The following KHDRBS3 variants were observed in gnomAD, a reference collection of about 807,000 sequenced individuals.
The protein encoded by KHDRBS3 is KH RNA binding domain containing, signal transduction associated 3, also known as KH domain-containing, RNA-binding, signal transduction-associated protein 3.
In KHDRBS3, 23 loss-of-function variants were observed where a neutral mutation model predicts 45.6. That is an observed-to-expected ratio of 0.50 (90% CI 0.36 to 0.72). KHDRBS3 has a LOEUF of 0.72. Among genes scored for constraint, KHDRBS3 ranks in the 30% least tolerant of loss-of-function variants. The pLI is 0.00. For missense variants in KHDRBS3, 352 were observed against 424.8 expected (o/e 0.83, Z 1.51); for synonymous variants, 162 against 156.5 (o/e 1.04, Z -0.26).
At chr8:135,589,221 C>T (rs1828626553) in intron 6 of KHDRBS3, among the ~76,000 whole-genome samples, 1 of 152,168 alleles carries the variant, frequency 6.6e-6, no homozygotes, top group Non-Finnish European at 1.5e-5. Context: ...TGTAGTCTTG[C>T]TCCAGCTCGT....
chr8:135,521,109 C>A, intron 1 of KHDRBS3, 128 bp from the exon 2 acceptor site: 1 of 631,956 alleles, frequency 1.6e-6, no homozygotes, highest in Non-Finnish European at 2.8e-6. Context: ...TACTTGAAAA[C>A]ATTTGCCTCA....
chr8:135,529,832 G>A (rs867416100), intron 2 of KHDRBS3, among the ~76,000 whole-genome samples: 18 of 152,070 alleles, frequency 1.2e-4, no homozygotes, highest in African/African-American at 3.6e-4. Context: ...AGGCTGAGGC[G>A]GGCAGATCAC....
chr8:135,575,855 CT>C (rs2130903536), intron 5 of KHDRBS3, among the ~76,000 whole-genome samples: 1 of 152,310 alleles, frequency 6.6e-6, no homozygotes, highest in South Asian at 2.1e-4. Flanking sequence ...ACAGAATTAA[CT>C]AAAGTCCATT....
chr8:135,581,096 C>T (rs1338235082), intron 5 of KHDRBS3, among the ~76,000 whole-genome samples: 1 of 152,224 alleles, frequency 6.6e-6, no homozygotes, highest in African/African-American at 2.4e-5. Context: ...AAGGAGGAAG[C>T]TGATCTGTAG....
intron 7 of KHDRBS3, among the ~76,000 whole-genome samples, chr8:135,643,538 A>G (rs982988078): frequency 6.6e-6 from 1 of 152,254 alleles, no homozygotes; most frequent in Admixed American, 6.5e-5. Flanking sequence ...TGGCAGAAAG[A>G]GTAGCAAATA....
chr8:135,552,221 C>T (rs1210115876), intron 4 of KHDRBS3, among the ~76,000 whole-genome samples: 1 of 151,774 alleles, frequency 6.6e-6, no homozygotes, highest in East Asian at 1.9e-4. Context: ...TGTCTTTCTA[C>T]CCCCCACCAC....
chr8:135,620,420 T>G (rs868476050), intron 7 of KHDRBS3, among the ~76,000 whole-genome samples: 11 of 152,230 alleles, frequency 7.2e-5, no homozygotes, highest in African/African-American at 2.4e-4. Context: ...CTTCCTGACC[T>G]GGCCCCAATT....
At chr8:135,536,988 AAAAAAAAAAGGAG>A (rs1563751829) in intron 2 of KHDRBS3, among the ~76,000 whole-genome samples, 2 of 83,266 alleles carry the variant, frequency 2.4e-5, no homozygotes, top group Non-Finnish European at 4.1e-5. Context: ...AAAAAAAAAA[AAAAAAAAAAGGAG>A]ATGTTTAGGA....
At chr8:135,533,120 T>C (rs982845881) in intron 2 of KHDRBS3, among the ~76,000 whole-genome samples, 1 of 152,162 alleles carries the variant, frequency 6.6e-6, no homozygotes, top group African/African-American at 2.4e-5. Flanking sequence ...TTCAGTGTAC[T>C]GGGGCATACA....
chr8:135,595,147 C>T (rs545949161), intron 6 of KHDRBS3, among the ~76,000 whole-genome samples: 58 of 152,208 alleles, frequency 3.8e-4, no homozygotes, highest in Non-Finnish European at 7.5e-4. Context: ...AGCTCAAAGC[C>T]GGCAAAACTC....
chr8:135,610,233 C>T (rs544312966), intron 7 of KHDRBS3, among the ~76,000 whole-genome samples: 7 of 151,814 alleles, frequency 4.6e-5, no homozygotes, highest in African/African-American at 9.7e-5. Context: ...AGAGCCTGCT[C>T]TAAATCAGGC....
chr8:135,494,301 C>CA (rs1823314255), intron 1 of KHDRBS3, among the ~76,000 whole-genome samples: 2 of 91,618 alleles, frequency 2.2e-5, no homozygotes, highest in African/African-American at 5.3e-5. Flanking sequence ...TTTTTTGAGA[C>CA]AGAGTCTCAC....
intron 7 of KHDRBS3, among the ~76,000 whole-genome samples, chr8:135,642,231 T>G (rs575315862): frequency 3.9e-4 from 60 of 152,388 alleles, no homozygotes; most frequent in African/African-American, 1.4e-3. Flanking sequence ...AAAAGCCACC[T>G]GTAGCATTTG....
At chr8:135,579,268 T>G (rs1258444306) in intron 5 of KHDRBS3, among the ~76,000 whole-genome samples, 3 of 152,244 alleles carry the variant, frequency 2.0e-5, no homozygotes, top group Non-Finnish European at 4.4e-5. Flanking sequence ...ATCCTTGCCT[T>G]GTTCCCAATC....
chr8:135,542,876 G>C (rs1586693005), intron 3 of KHDRBS3, 106 bp downstream of exon 3: 11 of 779,268 alleles, frequency 1.4e-5, no homozygotes, highest in Non-Finnish European at 2.1e-5. Flanking sequence ...ATGTATTTGT[G>C]ATACTGTTTA....
intron 6 of KHDRBS3, among the ~76,000 whole-genome samples, chr8:135,594,506 A>AT (rs768853625): frequency 5.3e-5 from 8 of 152,198 alleles, no homozygotes; most frequent in African/African-American, 1.9e-4. Flanking sequence ...ATCACATGAG[A>AT]TTGTTAAGTT....
At chr8:135,609,525 G>A (rs1018372018) in intron 7 of KHDRBS3, among the ~76,000 whole-genome samples, 1 of 151,978 alleles carries the variant, frequency 6.6e-6, no homozygotes, top group Non-Finnish European at 1.5e-5. Flanking sequence ...GAACCCCTGG[G>A]CTCAAGCAGT....
At chr8:135,555,451 A>G (rs1479597984) in intron 4 of KHDRBS3, among the ~76,000 whole-genome samples, 1 of 151,252 alleles carries the variant, frequency 6.6e-6, no homozygotes, top group Non-Finnish European at 1.5e-5. Context: ...CAATTCTTCC[A>G]GTGTGGACCA....
In KHDRBS3 at chr8:135,470,447, T is replaced by C. The variant is rs59195876; in HGVS notation, c.88+12493T>C. ...CCAACAGCGATAATCCCCTGCCCTGTGTTACACGGTTTCTAATAGCTTCAG... is the reference window on the plus strand; with the variant it reads ...CCAACAGCGATAATCCCCTGCCCTGCGTTACACGGTTTCTAATAGCTTCAG... On this transcript the variant is annotated intron_variant, in intron 1 of 8. Coordinates refer to ENST00000355849, the MANE Select transcript of KHDRBS3 (RefSeq NM_006558.3). Among the ~76,000 whole-genome samples, 413 of 152,278 alleles carry C rather than the reference T, an allele frequency of 2.7e-3. 3 individuals are homozygous for C. Among genetic ancestry groups the C allele is most frequent in the Middle Eastern group, 0.017 (5 of 294 alleles).
Sources: allele counts gnomAD v4.1 joint callset (sites outside exome capture counted in the v4.1 genomes callset), GRCh38; gene constraint gnomAD v4.1.1; transcripts MANE v1.5; gene names NCBI Gene and HGNC (gene_info 2026-07-23, HGNC 2026-07-21).